Variants in GPC1 observed in about 807,000 individuals in gnomAD.
GPC1 encodes glypican 1, also known as glypican-1.
A neutral mutation model predicts 51.5 loss-of-function variants in GPC1; 26 were observed. That is an observed-to-expected ratio of 0.50 (90% confidence interval 0.37 to 0.70). The LOEUF (loss-of-function observed/expected upper bound fraction) is 0.70. Ranked by LOEUF, GPC1 falls within the 30% of genes least tolerant of loss-of-function variation. The probability of loss-of-function intolerance (pLI) is 0.00; values close to 1 mark genes in which losing one functional copy is unlikely to be tolerated. For synonymous variants in GPC1, 380 were observed against 348.3 expected, an observed-to-expected ratio of 1.09 and a Z score of -1.01; for missense variants, 775 against 800.5, an observed-to-expected ratio of 0.97 and a Z score of 0.38.
chr2:240,458,430 G>A (rs1039997600), intron 1 of GPC1: 8 of 208,344 alleles, frequency 3.8e-5, no homozygotes, highest in Non-Finnish European at 7.1e-5. Flanking sequence ...ACCCTGCAGG[G>A]CTTGGGGCAT....
chr2:240,445,217 A>G (rs934230977), intron 1 of GPC1, among the ~76,000 whole-genome samples: 3 of 152,110 alleles, frequency 2.0e-5, no homozygotes, highest in African/African-American at 7.2e-5. Context: ...TCCCTGTTCT[A>G]TGTGCGTGGC....
Position 240,465,539 on chromosome 2 carries a change from C to T in GPC1, c.1335C>T (p.Asp445=), listed in dbSNP as rs1447957856. 6.2e-7 allele frequency: 1 copy of T among 1,613,214 alleles called. No individual in the cohort carries two copies. The highest frequency in any genetic ancestry group is 8.5e-7 in the Non-Finnish European group (1 of 1,179,988). Residue 445 remains aspartate, a synonymous_variant, in exon 8 of 9, where the codon GAC becomes GAT. Transcript: ENST00000264039. Reference sequence around the variant, plus strand: ...TCAACAACCCCGAGGTGGAGGTGGACATCACCAAGCCGGACATGACCATCC... The same window carrying T: ...TCAACAACCCCGAGGTGGAGGTGGATATCACCAAGCCGGACATGACCATCC... ...NQINNPEVEV[D]ITKPDMTIRQ...
chr2:240,453,733 G>C (rs1347457678), intron 1 of GPC1, among the ~76,000 whole-genome samples: 1 of 151,404 alleles, frequency 6.6e-6, no homozygotes, highest in Non-Finnish European at 1.5e-5. Flanking sequence ...CCAGACCCCT[G>C]CGCACCCGCT....
At chr2:240,465,983 C>CGTG (rs10700206) in intron 8 of GPC1, 75 bp from the exon 9 acceptor site, 563,768 of 844,148 alleles carry the variant, frequency 0.67, 193,678 homozygotes, top group African/African-American at 0.88. Flanking sequence ...TCACCTGGCA[C>CGTG]GGGCCCTTAC....
At chr2:240,441,197 A>T (rs2074014607) in intron 1 of GPC1, among the ~76,000 whole-genome samples, 1 of 152,262 alleles carries the variant, frequency 6.6e-6, no homozygotes, top group African/African-American at 2.4e-5. Context: ...GCCGAACCGC[A>T]GGGCTGCACA....
rs745917449 is a variant in GPC1, at chr2:240,462,370, C to T, written c.505C>T (p.Arg169Cys). The change falls in exon 3 of 9, where the codon CGC becomes TGC. Residue 169 changes from arginine to cysteine, a missense_variant. Coordinates refer to ENST00000264039, the MANE Select transcript of GPC1 (RefSeq NM_002081.3). ...LEETLAEFWA[R>C]LLERLFKQLH... is the part of the protein sequence containing the mutation. ...GGAGACGCTGGCCGAGTTCTGGGCC[C>T]GCCTGCTCGAGCGCCTCTTCAAGCA... The T allele has an allele frequency of 6.5e-5, 103 of 1,593,112 alleles. 2 individuals are homozygous for T. The Admixed American group carries it at 1.6e-3, about 25-fold the overall frequency.
chr2:240,449,841 C>A (rs143539970), intron 1 of GPC1: 1 of 470,382 alleles, frequency 2.1e-6, no homozygotes, highest in Non-Finnish European at 4.4e-6. Flanking sequence ...CACTCAGCGT[C>A]GTCCTCAAGG....
intron 1 of GPC1, among the ~76,000 whole-genome samples, chr2:240,438,681 C>T (rs1026031586): frequency 1.6e-4 from 25 of 152,330 alleles, no homozygotes; most frequent in African/African-American, 6.0e-4. Context: ...CCTTCCCAGC[C>T]TCTGCCCCAG....
intron 1 of GPC1, among the ~76,000 whole-genome samples, chr2:240,442,971 C>A (rs2074027794): frequency 6.6e-6 from 1 of 152,256 alleles, no homozygotes; most frequent in Admixed American, 6.5e-5. Context: ...TCCCCACAAG[C>A]CTGGGAGGCC....
chr2:240,446,055 G>A (rs575726970), intron 1 of GPC1, among the ~76,000 whole-genome samples: 195 of 152,380 alleles, frequency 1.3e-3, no homozygotes, highest in African/African-American at 4.3e-3. Flanking sequence ...TCACCAATGG[G>A]CAACGGGGCC....
chr2:240,465,345 G>C (rs1157000824), intron 7 of GPC1, 128 bp from the exon 8 acceptor site: 1 of 1,330,878 alleles, frequency 7.5e-7, no homozygotes, highest in African/African-American at 1.5e-5. Flanking sequence ...CGGCCTGTGT[G>C]GGCTCTGCTC....
chr2:240,438,991 T>C (rs1031448968), intron 1 of GPC1, among the ~76,000 whole-genome samples: 2 of 152,222 alleles, frequency 1.3e-5, no homozygotes, highest in African/African-American at 4.8e-5. Context: ...GCCCTCATGC[T>C]GAATCACTGC....
chr2:240,446,758 C>G (rs148245427), intron 1 of GPC1, among the ~76,000 whole-genome samples: 1,558 of 152,282 alleles, frequency 0.01, 11 homozygotes, highest in Non-Finnish European at 0.015. Flanking sequence ...TGGGGGCCAG[C>G]TCATTGAGAG....
At chr2:240,458,904 G>C in intron 1 of GPC1, 126 bp from the exon 2 acceptor site, 2 of 809,874 alleles carry the variant, frequency 2.5e-6, no homozygotes, top group East Asian at 2.7e-5. Context: ...GCACCCCCCA[G>C]GCTGGCCCAC....
chr2:240,450,107 C>G (rs2074083948), intron 1 of GPC1: 1 of 340,216 alleles, frequency 2.9e-6, no homozygotes, highest in Non-Finnish European at 5.8e-6. Flanking sequence ...ATCTGAAATT[C>G]AGATGTAACT....
Position 240,466,427 on chromosome 2 carries a change from G to A in GPC1, c.*137G>A, listed in dbSNP as rs183547580. 19 of 602,224 alleles carry A rather than the reference G, an allele frequency of 3.2e-5. No individual in the cohort carries two copies. The highest frequency in any genetic ancestry group is 3.1e-4 in the East Asian group (11 of 35,916). 37.3% of individuals were successfully genotyped at this position (602,224 alleles called of 1,614,324 possible). A position where few individuals can be genotyped will look rare whatever the true frequency, so the allele number is the denominator to read the frequency against. On this transcript the variant is annotated 3_prime_UTR_variant, in exon 9 of 9. Transcript: ENST00000264039. ...CCGGCGGCTCTGAGCAGGGGCAGGC[G>A]CAGAGGTCCCAGCCCCAGGCCTGGC...
In GPC1 at chr2:240,464,605, G is replaced by A. The variant is rs376094699; in HGVS notation, c.884-11G>A. 3.1e-6 allele frequency: 5 copies of A among 1,611,302 alleles called. No individual in the cohort carries two copies. Among genetic ancestry groups the A allele is most frequent in the East Asian group, 2.2e-5 (1 of 44,856 alleles). Reference sequence around the variant, plus strand: ...AACGCCTGTGTGTCCGCGTGTTAACGCCTGTCCTAGACTCCATGGTGCTCA... The same window carrying A: ...AACGCCTGTGTGTCCGCGTGTTAACACCTGTCCTAGACTCCATGGTGCTCA... On this transcript the variant is annotated splice_polypyrimidine_tract_variant and intron_variant, in intron 4 of 8. Coordinates refer to ENST00000264039, the MANE Select transcript of GPC1 (RefSeq NM_002081.3).
At chr2:240,454,536 G>A (rs1000941104) in intron 1 of GPC1, among the ~76,000 whole-genome samples, 6 of 152,250 alleles carry the variant, frequency 3.9e-5, no homozygotes, top group Non-Finnish European at 8.8e-5. Flanking sequence ...GCTGAGTAGA[G>A]GGCAGGAGCG....
rs77268665 is a variant in GPC1, at chr2:240,456,178, C to T, written c.167-2852C>T. ...AGGCTGAGGCGCGGGGGCCGGTGCG[C>T]GGCCGTGAGGGGGTGTGAGAGGTGG... On this transcript the variant is annotated intron_variant, in intron 1 of 8. Transcript: ENST00000264039. 175 of 259,306 alleles carry T rather than the reference C, an allele frequency of 6.7e-4. No individual in the cohort carries two copies. The Admixed American group carries it at 8.2e-3, about 12-fold the overall frequency. The allele number at this position is 259,306 out of a possible 1,614,324, so 16.1% of individuals were successfully genotyped here. A position where few individuals can be genotyped will look rare whatever the true frequency, so the allele number is the denominator to read the frequency against.
Sources: allele counts gnomAD v4.1 joint callset (sites outside exome capture counted in the v4.1 genomes callset), GRCh38; gene constraint gnomAD v4.1.1; transcripts MANE v1.5; gene names NCBI Gene and HGNC (gene_info 2026-07-23, HGNC 2026-07-21).